MUC17: variants seen among roughly 807,000 people sequenced by gnomAD.
The protein encoded by MUC17 is mucin-17.
MUC17 carries 190 observed loss-of-function variants against 170.3 expected under a neutral mutation model. The ratio of observed to expected loss-of-function variants is 1.12; its 90% CI spans 0.99 to 1.26. MUC17 has a LOEUF of 1.26. Ranked by LOEUF, MUC17 falls within the 50% of genes most tolerant of loss-of-function variation. MUC17 has a pLI of 0.00. For missense variants in MUC17, 6,415 were observed against 5,530.0 expected (o/e 1.16, Z -5.08); for synonymous variants, 2,325 against 2,002.5 (o/e 1.16, Z -4.30).
In MUC17 at chr7:101,041,725, A is replaced by G; in HGVS notation, c.10309A>G (p.Ser3437Gly). 1 of 1,613,808 alleles carries G rather than the reference A, an allele frequency of 6.2e-7. No individual in the cohort carries two copies. ...TCTGGTGACCACTTCTACTGAAGCCAGTTCATCTCCTACAATCGCTGAAGG... is the reference window on the plus strand; with the variant it reads ...TCTGGTGACCACTTCTACTGAAGCCGGTTCATCTCCTACAATCGCTGAAGG... The part of the protein sequence containing the change: ...NTLVTTSTEA[S>G]SSPTIAEGTS... Residue 3437 changes from serine to glycine, a missense_variant, in exon 3 of 13, where the codon AGT becomes GGT. Ser to Gly is a moderately conservative substitution (Grantham distance 56). Transcript: ENST00000306151.
chr7:101,025,939 C>A (rs981103080), intron 1 of MUC17, among the ~76,000 whole-genome samples: 1 of 151,984 alleles, frequency 6.6e-6, no homozygotes. Flanking sequence ...AACAGTGAGA[C>A]CTTGTCTCAA....
chr7:101,048,074 A>C lies in MUC17; in HGVS notation c.12494A>C (p.Tyr4165Ser). Residue 4165 changes from tyrosine to serine, a missense_variant, in exon 4 of 13, where the codon TAT (tyrosine) becomes TCT (serine). Tyr to Ser is a moderately radical substitution (Grantham distance 144). Transcript: ENST00000306151. ...AAGTGCCAGTGTCCCAACCTCTATT[A>C]TGGGGAGTTGTGTGAGGAGGTGGTC... ...GLKCQCPNLY[Y>S]GELCEEVVSS... is the part of the protein sequence containing the mutation. 3 of 1,605,066 alleles carry C rather than the reference A, an allele frequency of 1.9e-6. No individual in the cohort carries two copies. The highest frequency in any genetic ancestry group is 2.2e-5 in the South Asian group (2 of 89,588).
At position 101,036,804 on chromosome 7, in the gene MUC17, C is replaced by G; in HGVS notation, c.5388C>G (p.Thr1796=). 5 of 1,605,652 alleles carry G rather than the reference C, an allele frequency of 3.1e-6. No homozygotes were observed. The South Asian group carries it at 4.5e-5, about 14-fold the overall frequency. The stretch of plus-strand genomic sequence containing the variant: ...CGTCTCCTACAACTGCTGAAGGTAC[C>G]AGCATACCAACCTCGACTCTTAGTG... ...ATSSPTTAEG[T]SIPTSTLSEG... is the part of the protein sequence containing the mutation. Residue 1796 remains threonine (T), a synonymous_variant, in exon 3 of 13, where the codon ACC becomes ACG. Coordinates refer to ENST00000306151, the MANE Select transcript of MUC17 (RefSeq NM_001040105.2).
At chr7:101,022,392 C>T (rs1794107781) in intron 1 of MUC17, among the ~76,000 whole-genome samples, 1 of 152,208 alleles carries the variant, frequency 6.6e-6, no homozygotes, top group African/African-American at 2.4e-5. Context: ...GTCTTGAACT[C>T]GGAATCTCAG....
At chr7:101,029,337 C>T (rs1318912066) in intron 1 of MUC17, among the ~76,000 whole-genome samples, 1 of 151,972 alleles carries the variant, frequency 6.6e-6, no homozygotes, top group Non-Finnish European at 1.5e-5. Context: ...GCCTGGGCAA[C>T]AGAGCGAGGC....
rs73168390 is a variant in MUC17 at position 101,035,202 on chromosome 7, C to A, written c.3786C>A (p.Thr1262=). The change falls in exon 3 of 13, where the codon ACC becomes ACA. Residue 1262 remains threonine (T), a synonymous_variant. Transcript: ENST00000306151. ...TSAETSSSPT[T]AEGTSLPTST... ...CTGAAACCAGTTCCTCTCCTACAAC[C>A]GCTGAAGGTACCAGCTTGCCAACCT... is the stretch of plus-strand genomic sequence containing the variant. 8.9e-6 allele frequency: 14 copies of A among 1,574,166 alleles called. No individual in the cohort carries two copies. The highest frequency in any genetic ancestry group is 6.8e-5 in the East Asian group (3 of 44,330).
At position 101,034,097 on chromosome 7, in the gene MUC17, C is replaced by A. The variant is rs143956720; in HGVS notation, c.2681C>A (p.Thr894Lys). The change falls in exon 3 of 13, where the codon ACA (threonine) becomes AAA (lysine). Residue 894 changes from threonine to lysine, a missense_variant. Coordinates refer to ENST00000306151, the MANE Select transcript of MUC17 (RefSeq NM_001040105.2). ...TLSTTPVDTSTPVTNSTEARS... is the reference protein window; with the variant it reads ...TLSTTPVDTSKPVTNSTEARS... ...TCAACAACTCCTGTTGACACCAGCA[C>A]ACCTGTGACCAATTCTACTGAAGCC... 48,629 of 1,338,704 alleles carry A rather than the reference C, an allele frequency of 0.036. No homozygotes were observed. Among genetic ancestry groups the A allele is most frequent in the African/African-American group, 0.17 (9,754 of 56,390 alleles). The allele number at this position is 1,338,704 out of a possible 1,614,324, so 82.9% of individuals were successfully genotyped here. A position where few individuals can be genotyped will look rare whatever the true frequency, so the allele number is the denominator to read the frequency against.
rs751488304 is a variant in MUC17, at chr7:101,031,631, C to A, written c.215C>A (p.Thr72Lys). The change falls in exon 3 of 13, where the codon ACA (threonine) becomes AAA (lysine). Residue 72 changes from threonine (T) to lysine (K), a missense_variant. Coordinates refer to ENST00000306151, the MANE Select transcript of MUC17 (RefSeq NM_001040105.2). ...GSAANTATGT[T>K]STNVVEPRMY... is the part of the protein sequence containing the mutation. The stretch of plus-strand genomic sequence containing the variant: ...GCGGCAAACACCGCCACAGGTACAA[C>A]ATCTACAAATGTCGTGGAGCCAAGA... The A allele has an allele frequency of 1.2e-5, 19 of 1,550,010 alleles. No homozygotes were observed. In the African/African-American group the frequency reaches 2.1e-4, roughly 17 times the overall value.
chr7:101,051,908 C>T lies in MUC17; in HGVS notation c.13049C>T (p.Ser4350Phe). ...CCCTGTGAGCCTGGCTTCAGTGTCT[C>T]CAAGAACTGTAACCTCGGCAAGTGC... ...ISPCEPGFSV[S>F]KNCNLGKCQM... Residue 4350 changes from serine to phenylalanine, a missense_variant, in exon 9 of 13, where the codon TCC (serine) becomes TTC (phenylalanine). Ser to Phe is a radical substitution (Grantham distance 155). Transcript: ENST00000306151. 1 of 1,614,182 alleles carries T rather than the reference C, an allele frequency of 6.2e-7. No homozygotes were observed. The highest frequency in any genetic ancestry group is 8.5e-7 in the Non-Finnish European group (1 of 1,180,014).
In MUC17 at chr7:101,038,649, T is replaced by C; in HGVS notation, c.7233T>C (p.Ser2411=). 1 of 1,613,946 alleles carries C rather than the reference T, an allele frequency of 6.2e-7. No homozygotes were observed. The highest frequency in any genetic ancestry group is 8.5e-7 in the Non-Finnish European group (1 of 1,179,972). Residue 2411 remains serine, a synonymous_variant, in exon 3 of 13, where the codon AGT becomes AGC. Transcript: ENST00000306151. ...SVPVSTMPVV[S]SEASTHSTTP... ...CTGTCAGCACCATGCCGGTGGTCAG[T>C]TCTGAGGCTAGCACCCATTCCACAA...
At position 101,053,356 on chromosome 7, in the gene MUC17, C is replaced by T. The variant is rs1364967131; in HGVS notation, c.13283C>T (p.Ser4428Phe). 6.2e-6 allele frequency: 10 copies of T among 1,613,964 alleles called. No individual in the cohort carries two copies. Among genetic ancestry groups the T allele is most frequent in the Non-Finnish European group, 8.5e-6 (10 of 1,179,994 alleles). ...REVKRQKYRL[S>F]QLYKWQEEDS... Reference sequence around the variant, plus strand: ...ATCACTAGGCAAAAGTACAGATTGTCTCAGTTATACAAGTGGCAAGAAGAG... The same window carrying T: ...ATCACTAGGCAAAAGTACAGATTGTTTCAGTTATACAAGTGGCAAGAAGAG... Residue 4428 changes from serine to phenylalanine, a missense_variant, in exon 11 of 13, where the codon TCT becomes TTT. Transcript: ENST00000306151.
intron 1 of MUC17, among the ~76,000 whole-genome samples, chr7:101,023,521 G>A (rs1031927192): frequency 3.9e-5 from 6 of 151,998 alleles, no homozygotes; most frequent in Non-Finnish European, 7.4e-5. Flanking sequence ...TGAGTAGCTG[G>A]GATTACAGGC....
In MUC17 at chr7:101,040,252, A is replaced by G. The variant is rs1013103149; in HGVS notation, c.8836A>G (p.Ser2946Gly). 6.2e-7 allele frequency: 1 copy of G among 1,610,664 alleles called. No homozygotes were observed. The highest frequency in any genetic ancestry group is 1.1e-5 in the South Asian group (1 of 90,712). ...STVPVAGSEA[S>G]TLSTTPVDTR... ...CGTGCCAGTGGCCGGTTCTGAGGCT[A>G]GCACCCTTTCAACAACTCCTGTTGA... The change falls in exon 3 of 13, where the codon AGC (serine) becomes GGC (glycine). Residue 2946 changes from serine (S) to glycine (G), a missense_variant. Ser to Gly is a moderately conservative substitution (Grantham distance 56). Transcript: ENST00000306151.
chr7:101,043,576 C>A lies in MUC17; in HGVS notation c.12160C>A (p.Pro4054Thr). Residue 4054 changes from proline (P) to threonine (T), a missense_variant, in exon 3 of 13, where the codon CCG becomes ACG. Coordinates refer to ENST00000306151, the MANE Select transcript of MUC17 (RefSeq NM_001040105.2). ...GACCCCTTCATCAGAATCCAGCAGG[C>A]CGTCAACAATTACTTCTCACACCAT... ...PVTPSSESSR[P>T]STITSHTIPP... 1 of 1,614,200 alleles carries A rather than the reference C, an allele frequency of 6.2e-7. No individual in the cohort carries two copies. Among genetic ancestry groups the A allele is most frequent in the Non-Finnish European group, 8.5e-7 (1 of 1,180,038 alleles).
rs528164402 is a variant in MUC17 at position 101,034,926 on chromosome 7, G to A, written c.3510G>A (p.Thr1170=). The change falls in exon 3 of 13, where the codon ACG becomes ACA. Residue 1170 remains threonine (T), a synonymous_variant. Transcript: ENST00000306151. ...TPLASMPVST[T]LVVSSEANTL... is the part of the protein sequence containing the mutation. ...TAGCAAGTATGCCTGTCAGCACCAC[G>A]CTGGTGGTCAGTTCTGAGGCTAACA... The A allele has an allele frequency of 3.4e-5, 55 of 1,613,590 alleles. No individual in the cohort carries two copies. Among genetic ancestry groups the A allele is most frequent in the Middle Eastern group, 1.7e-4 (1 of 6,058 alleles).
intron 1 of MUC17, among the ~76,000 whole-genome samples, chr7:101,029,759 C>A (rs1292310000): frequency 6.6e-6 from 1 of 151,912 alleles, no homozygotes; most frequent in Admixed American, 6.6e-5. Flanking sequence ...CCGCCGCACC[C>A]GGCTAATTTT....
chr7:101,038,785 C>T lies in MUC17; in HGVS notation c.7369C>T (p.Pro2457Ser). 6.2e-7 allele frequency: 1 copy of T among 1,613,160 alleles called. No individual in the cohort carries two copies. Among genetic ancestry groups the T allele is most frequent in the Non-Finnish European group, 8.5e-7 (1 of 1,179,190 alleles). Residue 2457 changes from proline to serine, a missense_variant, in exon 3 of 13, where the codon CCG becomes TCG. By Grantham distance (74) the Pro-to-Ser change is moderately conservative. Transcript: ENST00000306151. ...CTCACCTCCTAGTGAAGGAACCACTCCGTTAGCAAGTATGCCTGTCAGCAC... is the reference window on the plus strand; with the variant it reads ...CTCACCTCCTAGTGAAGGAACCACTTCGTTAGCAAGTATGCCTGTCAGCAC... ...PTSPPSEGTT[P>S]LASMPVSTTP...
In MUC17 at chr7:101,037,110, G is replaced by A. The variant is rs1794511198; in HGVS notation, c.5694G>A (p.Val1898=). The A allele has an allele frequency of 1.9e-6, 3 of 1,585,866 alleles. No individual in the cohort carries two copies. Among genetic ancestry groups the A allele is most frequent in the Non-Finnish European group, 2.5e-6 (3 of 1,178,500 alleles). Residue 1898 remains valine, a synonymous_variant, in exon 3 of 13, where the codon GTG becomes GTA. Transcript: ENST00000306151. ...STTPAVTSTP[V]TTYAQVSSSP... is the part of the protein sequence containing the mutation. ...CTCCCGCTGTCACCAGCACACCTGT[G>A]ACCACTTATGCTCAAGTCAGTTCAT...
In MUC17 at chr7:101,033,076, A is replaced by G. The variant is rs141499371; in HGVS notation, c.1660A>G (p.Thr554Ala). 1.2e-6 allele frequency: 2 copies of G among 1,612,174 alleles called. No homozygotes were observed. The highest frequency in any genetic ancestry group is 2.7e-5 in the African/African-American group (2 of 74,240). ...TSSEASSSST[T>A]PEGTSIPTST... ...TAGTGAAGCCAGTTCATCTTCTACA[A>G]CTCCTGAAGGTACCAGCATACCAAC... Residue 554 changes from threonine to alanine, a missense_variant, in exon 3 of 13, where the codon ACT (threonine) becomes GCT (alanine). Coordinates refer to ENST00000306151, the MANE Select transcript of MUC17 (RefSeq NM_001040105.2).
Sources: allele counts gnomAD v4.1 joint callset (sites outside exome capture counted in the v4.1 genomes callset), GRCh38; gene constraint gnomAD v4.1.1; transcripts MANE v1.5; gene names NCBI Gene and HGNC (gene_info 2026-07-23, HGNC 2026-07-21).